The following ASIC2 variants were observed in gnomAD, a reference collection of about 807,000 sequenced individuals.
ASIC2 encodes acid sensing ion channel subunit 2.
A neutral mutation model predicts 57.3 loss-of-function variants in ASIC2; 25 were observed. The ratio of observed to expected loss-of-function variants is 0.44; its 90% CI spans 0.32 to 0.61. The LOEUF (loss-of-function observed/expected upper bound fraction) is 0.61. ASIC2 is among the 20% of genes least tolerant of loss of function. The pLI, the probability that ASIC2 is intolerant of heterozygous loss-of-function variation, is 0.06. For synonymous variants in ASIC2, 319 were observed against 307.5 expected (o/e 1.04, Z -0.39); for missense variants, 641 against 738.1 (o/e 0.87, Z 1.52).
In ASIC2 at chr17:33,324,251, T is replaced by C. The variant is rs569712486; in HGVS notation, c.556-212184A>G. Among the ~76,000 whole-genome samples the C allele has an allele frequency of 5.3e-5, 8 of 152,260 alleles. No individual in the cohort carries two copies. In the South Asian group the frequency reaches 1.7e-3, roughly 32 times the overall value. On this transcript the variant is annotated intron_variant, in intron 1 of 9. Transcript: ENST00000359872. The stretch of plus-strand genomic sequence containing the variant: ...TCATTAATTTGGCCTTTGCAGTGGA[T>C]GTTACTATTTCAGAAGCAGAACAAG...
intron 1 of ASIC2, among the ~76,000 whole-genome samples, chr17:33,942,896 T>C (rs1916222821): frequency 6.6e-6 from 1 of 152,180 alleles, no homozygotes; most frequent in Non-Finnish European, 1.5e-5. Flanking sequence ...AGACCTATGC[T>C]CTCCACAGTA....
intron 1 of ASIC2, among the ~76,000 whole-genome samples, chr17:33,607,268 C>T (rs898964127): frequency 6.6e-6 from 1 of 152,090 alleles, no homozygotes; most frequent in Non-Finnish European, 1.5e-5. Flanking sequence ...ACGCAACCTC[C>T]TGGGGGAACG....
intron 1 of ASIC2, among the ~76,000 whole-genome samples, chr17:33,683,952 C>T (rs1369219422): frequency 1.3e-5 from 2 of 152,210 alleles, no homozygotes; most frequent in Admixed American, 6.5e-5. Flanking sequence ...GGAGCTAGGA[C>T]ACTCCAACGT....
chr17:33,606,906 G>A (rs551894358), intron 1 of ASIC2, among the ~76,000 whole-genome samples: 2 of 152,284 alleles, frequency 1.3e-5, no homozygotes, highest in African/African-American at 4.8e-5. Context: ...TGGTCACAGT[G>A]CCTCCTAGGC....
At chr17:33,535,100 A>G (rs1229762698) in intron 1 of ASIC2, among the ~76,000 whole-genome samples, 2 of 152,182 alleles carry the variant, frequency 1.3e-5, no homozygotes, top group Non-Finnish European at 2.9e-5. Flanking sequence ...GGGTGGGGCC[A>G]GAGGCAGAGA....
intron 1 of ASIC2, among the ~76,000 whole-genome samples, chr17:33,120,076 GGTCCTACA>G (rs2092295459): frequency 6.6e-6 from 1 of 152,206 alleles, no homozygotes. Flanking sequence ...CCTAGCCCAA[GGTCCTACA>G]GCTAAAGAGT....
At chr17:33,580,073 C>G (rs967559424) in intron 1 of ASIC2, 2 of 152,212 alleles carry the variant, frequency 1.3e-5, no homozygotes, top group African/African-American at 4.8e-5. Context: ...CCCCACCTGA[C>G]CCAGAAGGCC....
chr17:33,544,521 G>A (rs1034454066), intron 1 of ASIC2, among the ~76,000 whole-genome samples: 2 of 152,116 alleles, frequency 1.3e-5, no homozygotes, highest in African/African-American at 4.8e-5. Flanking sequence ...TGCACTGAAG[G>A]TTTTGTTCAG....
At chr17:33,034,703 T>C (rs960390355) in intron 3 of ASIC2, among the ~76,000 whole-genome samples, 4 of 152,192 alleles carry the variant, frequency 2.6e-5, no homozygotes, top group Non-Finnish European at 4.4e-5. Flanking sequence ...CTTTTTATTG[T>C]TCCCTGCAGG....
chr17:33,944,986 G>T (rs989790792), intron 1 of ASIC2, among the ~76,000 whole-genome samples: 7 of 152,156 alleles, frequency 4.6e-5, no homozygotes, highest in Admixed American at 3.3e-4. Flanking sequence ...GGGTTGCTGA[G>T]CATCCACTGG....
chr17:33,350,130 G>T (rs969499578), intron 1 of ASIC2, among the ~76,000 whole-genome samples: 2 of 152,076 alleles, frequency 1.3e-5, no homozygotes, highest in African/African-American at 4.8e-5. Flanking sequence ...GAGTCTCCTT[G>T]GATTCTACCT....
chr17:34,007,160 A>T (rs1407643792), intron 1 of ASIC2, among the ~76,000 whole-genome samples: 1 of 152,188 alleles, frequency 6.6e-6, no homozygotes, highest in Non-Finnish European at 1.5e-5. Flanking sequence ...TTCTGAAGTG[A>T]CAGGAGAGTT....
chr17:34,140,881 A>T (rs971353892), intron 1 of ASIC2, among the ~76,000 whole-genome samples: 6 of 152,346 alleles, frequency 3.9e-5, no homozygotes, highest in Admixed American at 6.5e-5. Context: ...AAGCAAGAGA[A>T]ATCAATGGAT....
intron 1 of ASIC2, among the ~76,000 whole-genome samples, chr17:33,437,156 C>T (rs970180918): frequency 3.9e-5 from 6 of 151,984 alleles, no homozygotes; most frequent in South Asian, 2.1e-4. Flanking sequence ...TGAGCCACCG[C>T]GCCCGGCCCC....
At chr17:33,891,283 T>C (rs1229407832) in intron 1 of ASIC2, among the ~76,000 whole-genome samples, 1 of 152,206 alleles carries the variant, frequency 6.6e-6, no homozygotes, top group East Asian at 1.9e-4. Context: ...CAGAAGACTA[T>C]CTGAAGAACA....
At chr17:34,121,637 T>A (rs1049981043) in intron 1 of ASIC2, among the ~76,000 whole-genome samples, 2 of 151,698 alleles carry the variant, frequency 1.3e-5, no homozygotes, top group Non-Finnish European at 2.9e-5. Flanking sequence ...CCTTGAAATG[T>A]CACAACAGCT....
At chr17:33,765,359 C>T (rs998104635) in intron 1 of ASIC2, among the ~76,000 whole-genome samples, 3 of 152,114 alleles carry the variant, frequency 2.0e-5, no homozygotes, top group African/African-American at 4.8e-5. Flanking sequence ...CCACCCGCCT[C>T]GGCCTCCCAA....
At chr17:34,067,391 G>A (rs1245906024) in intron 1 of ASIC2, among the ~76,000 whole-genome samples, 1 of 152,122 alleles carries the variant, frequency 6.6e-6, no homozygotes, top group African/African-American at 2.4e-5. Flanking sequence ...TTTAAAAATG[G>A]AATTTTTTTG....
intron 1 of ASIC2, among the ~76,000 whole-genome samples, chr17:33,786,603 A>G (rs944488996): frequency 4.6e-5 from 7 of 152,018 alleles, no homozygotes; most frequent in African/African-American, 1.7e-4. Context: ...AAAATTCACT[A>G]CTCTTTCCTT....
Sources: allele counts gnomAD v4.1 joint callset (sites outside exome capture counted in the v4.1 genomes callset), GRCh38; gene constraint gnomAD v4.1.1; transcripts MANE v1.5; gene names NCBI Gene and HGNC (gene_info 2026-07-23, HGNC 2026-07-21).